PHB1: variants seen among roughly 807,000 people sequenced by gnomAD.
The protein encoded by PHB1 is epididymis luminal protein 215.
the PHB1 span, among the ~76,000 whole-genome samples, chr17:49,408,220 G>A: frequency 1.3e-5 from 2 of 152,242 alleles, no homozygotes; most frequent in Non-Finnish European, 2.9e-5. Flanking sequence ...GCAAGGTGGA[G>A]CAGTGCCCAG....
chr17:49,412,121 C>T, the PHB1 span: 3 of 336,362 alleles, frequency 8.9e-6, no homozygotes, highest in African/African-American at 6.3e-5. Flanking sequence ...ACCATTCTAT[C>T]CCTGAACTCC....
chr17:49,405,207 A>G, the PHB1 span: 3 of 1,613,070 alleles, frequency 1.9e-6, no homozygotes, highest in South Asian at 3.3e-5. Context: ...TGCTCAGCCT[A>G]AAAGAATGGA....
At chr17:49,404,622 C>G in the PHB1 span, 16 of 308,722 alleles carry the variant, frequency 5.2e-5, no homozygotes, top group African/African-American at 4.4e-5. Flanking sequence ...GGAGGCCACA[C>G]GTGGATCTAG....
At chr17:49,413,511 CCT>C in the PHB1 span, among the ~76,000 whole-genome samples, 27 of 106,140 alleles carry the variant, frequency 2.5e-4, 1 homozygote, top group South Asian at 3.0e-4. Context: ...TCTTTTCTTT[CCT>C]TTTTTTTTTT....
At chr17:49,404,722 C>T in the PHB1 span, 113 of 485,842 alleles carry the variant, frequency 2.3e-4, no homozygotes, top group African/African-American at 1.8e-3. Flanking sequence ...CAGCAGGCCC[C>T]GAATTGGGAC....
the PHB1 span, chr17:49,412,918 A>T: frequency 2.6e-6 from 1 of 383,480 alleles, no homozygotes; most frequent in East Asian, 4.7e-5. Context: ...TCACCTTGAC[A>T]GAAGCCACTG....
chr17:49,406,595 A>G, the PHB1 span, among the ~76,000 whole-genome samples: 1 of 152,228 alleles, frequency 6.6e-6, no homozygotes, highest in Non-Finnish European at 1.5e-5. Context: ...TAGCCCCTGA[A>G]GACTCTGGAA....
the PHB1 span, chr17:49,409,245 C>A: frequency 6.3e-7 from 1 of 1,586,966 alleles, no homozygotes; most frequent in Non-Finnish European, 8.6e-7. Flanking sequence ...ACATCCCAAC[C>A]AACCCACTGC....
chr17:49,411,566 T>A, the PHB1 span: 1 of 895,316 alleles, frequency 1.1e-6, no homozygotes, highest in Admixed American at 2.2e-5. Context: ...TCCTATGATG[T>A]ACAGTTCAAA....
the PHB1 span, among the ~76,000 whole-genome samples, chr17:49,405,838 G>A: frequency 6.6e-6 from 1 of 152,162 alleles, no homozygotes; most frequent in Non-Finnish European, 1.5e-5. Flanking sequence ...ATGCACTTTT[G>A]ACTGTTCCTA....
At chr17:49,411,672 A>G in the PHB1 span, 1 of 1,613,332 alleles carries the variant, frequency 6.2e-7, no homozygotes, top group Admixed American at 1.7e-5. Context: ...CATAGGCAAG[A>G]CTCACCTTTG....
At chr17:49,408,621 C>G in the PHB1 span, 1 of 161,652 alleles carries the variant, frequency 6.2e-6, no homozygotes, top group African/African-American at 2.4e-5. Context: ...CTTCACTGAG[C>G]TTCGGACTGT....
the PHB1 span, chr17:49,406,611 T>C: frequency 1.5e-6 from 1 of 672,138 alleles, no homozygotes; most frequent in Non-Finnish European, 2.7e-6. Flanking sequence ...TGGAACCAAT[T>C]GCAGAAGTAC....
At chr17:49,405,631 C>T in the PHB1 span, among the ~76,000 whole-genome samples, 4 of 152,022 alleles carry the variant, frequency 2.6e-5, no homozygotes, top group East Asian at 1.9e-4. Flanking sequence ...AGGACAGGGC[C>T]GGGTGTGGTG....
chr17:49,412,109 T>C, the PHB1 span: 1 of 379,578 alleles, frequency 2.6e-6, no homozygotes, highest in Non-Finnish European at 4.7e-6. Flanking sequence ...ATTTTCTGAA[T>C]GACCATTCTA....
At chr17:49,411,706 A>G in the PHB1 span, 1 of 1,614,150 alleles carries the variant, frequency 6.2e-7, no homozygotes. Flanking sequence ...CTGGCACATT[A>G]CGTGGTCGAG....
At chr17:49,411,486 C>T in the PHB1 span, among the ~76,000 whole-genome samples, 1 of 152,190 alleles carries the variant, frequency 6.6e-6, no homozygotes, top group African/African-American at 2.4e-5. Context: ...GCATGAACCA[C>T]CGCACCCAGC....
the PHB1 span, chr17:49,411,691 G>T: frequency 6.2e-7 from 1 of 1,614,016 alleles, no homozygotes; most frequent in South Asian, 1.1e-5. Context: ...TGCTACCAGT[G>T]ATGACTGGCA....
chr17:49,405,295 C>A, the PHB1 span: 2 of 1,106,906 alleles, frequency 1.8e-6, no homozygotes, highest in African/African-American at 1.5e-5. Flanking sequence ...AGCCACCTTC[C>A]CAGGCTCCTG....
Sources: allele counts gnomAD v4.1 joint callset (sites outside exome capture counted in the v4.1 genomes callset), GRCh38; gene constraint gnomAD v4.1.1; transcripts MANE v1.5; gene names NCBI Gene and HGNC (gene_info 2026-07-23, HGNC 2026-07-21).